HEPH: variants seen among roughly 807,000 people sequenced by gnomAD.
The protein encoded by HEPH is hephaestin.
In HEPH, 69 loss-of-function variants were observed where a neutral mutation model predicts 80.8. That is an observed-to-expected ratio of 0.85 (90% CI 0.70 to 1.04). HEPH has a LOEUF of 1.04. Ranked by LOEUF, HEPH falls within the 50% of genes least tolerant of loss-of-function variation. HEPH has a pLI of 0.00. For synonymous variants in HEPH, 431 were observed against 322.8 expected (o/e 1.34, Z -3.60); for missense variants, 1,115 against 891.3 (o/e 1.25, Z -3.20).
intron 8 of HEPH, among the ~76,000 whole-genome samples, chrX:66,194,462 G>C (rs1277401747): frequency 8.9e-6 from 1 of 111,827 alleles, no homozygotes; most frequent in Non-Finnish European, 1.9e-5. Context: ...AAGAGTTAGA[G>C]CCGGAATAAG....
chrX:66,232,772 A>C (rs2090203356), intron 15 of HEPH, among the ~76,000 whole-genome samples: 2 of 111,393 alleles, frequency 1.8e-5, no homozygotes, highest in Non-Finnish European at 3.8e-5. Flanking sequence ...ACATAAAATC[A>C]TTATGATAAA....
Position 66,170,591 on chromosome X carries a change from C to G in HEPH, c.21C>G (p.Leu7=), listed in dbSNP as rs368307508. 20 of 1,208,745 alleles carry G rather than the reference C, an allele frequency of 1.7e-5. No homozygotes were observed. In the East Asian group the frequency reaches 2.4e-4, roughly 14 times the overall value. Residue 7 remains leucine, a synonymous_variant, in exon 2 of 21, where the codon CTC becomes CTG. Transcript: ENST00000343002. MESGHL[L]WALLFMQSLW... The stretch of plus-strand genomic sequence containing the variant: ...GGGCCATGGAGTCAGGCCACCTCCT[C>G]TGGGCTCTGCTGTTCATGCAGTCCT...
intron 12 of HEPH, among the ~76,000 whole-genome samples, chrX:66,201,153 TC>T (rs1162977929): frequency 1.8e-5 from 2 of 110,848 alleles, no homozygotes; most frequent in African/African-American, 3.3e-5. Context: ...TGTGAGGCTT[TC>T]TACAGACTCA....
At chrX:66,176,902 C>T (rs1480859260) in intron 4 of HEPH, among the ~76,000 whole-genome samples, 3 of 111,402 alleles carry the variant, frequency 2.7e-5, no homozygotes, top group African/African-American at 9.8e-5. Flanking sequence ...AGGACATAGG[C>T]ATGGGCAAGG....
At chrX:66,209,702 C>T (rs773329745) in intron 15 of HEPH, among the ~76,000 whole-genome samples, 3 of 111,713 alleles carry the variant, frequency 2.7e-5, no homozygotes, top group Non-Finnish European at 3.8e-5. Context: ...TGAATGATAT[C>T]GGTGTTTTTG....
chrX:66,235,111 G>A (rs911186085), intron 15 of HEPH, among the ~76,000 whole-genome samples: 1 of 111,520 alleles, frequency 9.0e-6, no homozygotes, highest in Non-Finnish European at 1.9e-5. Flanking sequence ...CTTCTTGGAT[G>A]CATAGTTTGC....
chrX:66,186,293 TC>T (rs1042306344), intron 4 of HEPH, among the ~76,000 whole-genome samples: 1 of 104,654 alleles, frequency 9.6e-6, no homozygotes, highest in Admixed American at 1.0e-4. Flanking sequence ...CGGGCGCCCC[TC>T]CCCCAGCCTC....
At chrX:66,228,302 A>G (rs1006645893) in intron 15 of HEPH, among the ~76,000 whole-genome samples, 10 of 112,849 alleles carry the variant, frequency 8.9e-5, no homozygotes, top group Non-Finnish European at 1.7e-4. Flanking sequence ...CACAACATGA[A>G]TTATAGGAGC....
At chrX:66,237,860 C>A (rs1225885451) in intron 15 of HEPH, among the ~76,000 whole-genome samples, 1 of 111,943 alleles carries the variant, frequency 8.9e-6, no homozygotes, top group Non-Finnish European at 1.9e-5. Flanking sequence ...TGAAGTGAAC[C>A]CTTTGCTATT....
intron 15 of HEPH, among the ~76,000 whole-genome samples, chrX:66,224,070 G>A (rs1164358809): frequency 1.1e-5 from 1 of 93,583 alleles, no homozygotes; most frequent in Non-Finnish European, 2.0e-5. Context: ...AAATTCTGCA[G>A]CCCCTCTTTC....
chrX:66,219,007 TC>T (rs750275550), intron 15 of HEPH, among the ~76,000 whole-genome samples: 1 of 111,900 alleles, frequency 8.9e-6, no homozygotes, highest in South Asian at 3.8e-4. Flanking sequence ...GGTGGTCTCC[TC>T]CCTTATTCCC....
intron 15 of HEPH, among the ~76,000 whole-genome samples, chrX:66,211,157 A>G (rs1008357827): frequency 9.0e-6 from 1 of 111,510 alleles, no homozygotes; most frequent in Admixed American, 9.5e-5. Flanking sequence ...TAAAGTGACA[A>G]TGGCATCAGC....
At chrX:66,213,731 A>G (rs1023174245) in intron 15 of HEPH, among the ~76,000 whole-genome samples, 4 of 111,981 alleles carry the variant, frequency 3.6e-5, no homozygotes, top group African/African-American at 1.3e-4. Flanking sequence ...ATAGTATAGC[A>G]TATTATAAAG....
intron 3 of HEPH, among the ~76,000 whole-genome samples, chrX:66,173,112 A>G (rs540975819): frequency 8.9e-6 from 1 of 112,434 alleles, no homozygotes. Flanking sequence ...TGGCTGGGCC[A>G]CTAAATCCCT....
intron 15 of HEPH, among the ~76,000 whole-genome samples, chrX:66,251,542 T>G (rs1471420952): frequency 8.9e-6 from 1 of 112,335 alleles, no homozygotes; most frequent in Non-Finnish European, 1.9e-5. Flanking sequence ...TATTTTTAAT[T>G]GGGCTGTTTT....
At chrX:66,239,025 C>T (rs1377044863) in intron 15 of HEPH, among the ~76,000 whole-genome samples, 1 of 112,294 alleles carries the variant, frequency 8.9e-6, no homozygotes, top group Non-Finnish European at 1.9e-5. Context: ...GTGTTCCTTG[C>T]CCTCATTCCA....
intron 18 of HEPH, 114 bp downstream of exon 18, chrX:66,259,093 T>C: frequency 1.2e-6 from 1 of 806,326 alleles, no homozygotes; most frequent in East Asian, 3.8e-5. Context: ...AGAGCAGAGG[T>C]CTAGTACATG....
chrX:66,223,614 C>T (rs1436670200), intron 15 of HEPH, among the ~76,000 whole-genome samples: 2 of 111,710 alleles, frequency 1.8e-5, no homozygotes, highest in Non-Finnish European at 3.8e-5. Context: ...TGTGTTTTTA[C>T]TTTAATGTCC....
chrX:66,266,477 G>A lies in HEPH; in HGVS notation c.3282G>A (p.Lys1094=), dbSNP rs756102622. ...GAGACATTGAAGAAGGCAATGTGAAGATGCTGGGCATGCAGATCCCCATAA... is the reference window on the plus strand; with the variant it reads ...GAGACATTGAAGAAGGCAATGTGAAAATGCTGGGCATGCAGATCCCCATAA... ...PPRDIEEGNV[K]MLGMQIPIKN... Residue 1094 remains lysine, a synonymous_variant, in exon 21 of 21, where the codon AAG becomes AAA. Coordinates refer to ENST00000343002, the MANE Select transcript of HEPH (RefSeq NM_001367233.3). 1.7e-6 allele frequency: 2 copies of A among 1,209,629 alleles called. No individual in the cohort carries two copies. The highest frequency in any genetic ancestry group is 3.5e-5 in the South Asian group (2 of 56,755).
Sources: allele counts gnomAD v4.1 joint callset (sites outside exome capture counted in the v4.1 genomes callset), GRCh38; gene constraint gnomAD v4.1.1; transcripts MANE v1.5; gene names NCBI Gene and HGNC (gene_info 2026-07-23, HGNC 2026-07-21).